RBFOX1: variants seen among roughly 807,000 people sequenced by gnomAD.
RBFOX1 encodes RNA binding protein fox-1 homolog 1.
A neutral mutation model predicts 57.7 loss-of-function variants in RBFOX1; 8 were observed. The observed-to-expected ratio is 0.14, with a 90% CI of 0.08 to 0.25. The LOEUF is 0.25. Ranked by LOEUF, RBFOX1 falls within the 10% of genes least tolerant of loss-of-function variation. RBFOX1 has a pLI of 1.00. For synonymous variants in RBFOX1, 326 were observed against 222.4 expected (o/e 1.47, Z -4.15); for missense variants, 611 against 548.5 (o/e 1.11, Z -1.14).
At chr16:6,736,551 C>G (rs973066231) in intron 3 of RBFOX1, among the ~76,000 whole-genome samples, 2 of 152,176 alleles carry the variant, frequency 1.3e-5, no homozygotes, top group African/African-American at 4.8e-5. Flanking sequence ...TCTTTATTCA[C>G]TCATTGAGTA....
intron 1 of RBFOX1, among the ~76,000 whole-genome samples, chr16:6,215,055 G>A (rs1226777870): frequency 1.5e-5 from 2 of 134,094 alleles, no homozygotes; most frequent in South Asian, 2.7e-4. Context: ...GGGAGAAGGA[G>A]AGGGAGAGGG....
chr16:6,269,165 TCAAA>T (rs1471184036), intron 1 of RBFOX1, among the ~76,000 whole-genome samples: 1 of 152,236 alleles, frequency 6.6e-6, no homozygotes, highest in African/African-American at 2.4e-5. Flanking sequence ...TCTGCTGTTT[TCAAA>T]ATTATGCTGT....
chr16:5,816,842 G>A (rs762742706), intron 3 of RBFOX1, among the ~76,000 whole-genome samples: 4 of 152,070 alleles, frequency 2.6e-5, no homozygotes, highest in African/African-American at 4.8e-5. Flanking sequence ...TGTCCTCTCT[G>A]TGTTCTTTGT....
intron 4 of RBFOX1, among the ~76,000 whole-genome samples, chr16:7,265,151 G>C (rs559837640): frequency 1.4e-4 from 21 of 152,312 alleles, no homozygotes; most frequent in African/African-American, 4.8e-4. Context: ...AGGGTGCAGT[G>C]GTTATCTTAG....
chr16:7,146,056 T>G (rs1434578441), intron 4 of RBFOX1, among the ~76,000 whole-genome samples: 1 of 152,190 alleles, frequency 6.6e-6, no homozygotes, highest in African/African-American at 2.4e-5. Context: ...ACTTCCCACT[T>G]CTTTTGACTG....
At chr16:5,491,830 A>G (rs2042840172) in intron 2 of RBFOX1, among the ~76,000 whole-genome samples, 1 of 152,232 alleles carries the variant, frequency 6.6e-6, no homozygotes, top group East Asian at 1.9e-4. Context: ...CATTAGAATT[A>G]CCCAGGGAGC....
intron 4 of RBFOX1, among the ~76,000 whole-genome samples, chr16:7,072,826 C>G (rs184350617): frequency 6.6e-6 from 1 of 152,174 alleles, no homozygotes; most frequent in African/African-American, 2.4e-5. Context: ...CAGTTTTATT[C>G]CTGGGAGGAA....
At chr16:5,800,594 T>G (rs2055025004) in intron 3 of RBFOX1, among the ~76,000 whole-genome samples, 1 of 151,910 alleles carries the variant, frequency 6.6e-6, no homozygotes, top group Non-Finnish European at 1.5e-5. Context: ...CACGGGATGG[T>G]GAAATGGATG....
intron 2 of RBFOX1, among the ~76,000 whole-genome samples, chr16:6,542,714 G>T (rs1408697967): frequency 6.6e-6 from 1 of 151,578 alleles, no homozygotes. Context: ...GGATGGTGTT[G>T]ATCTCCTGAC....
At chr16:6,231,840 T>TG (rs1357857207) in intron 1 of RBFOX1, among the ~76,000 whole-genome samples, 3 of 150,790 alleles carry the variant, frequency 2.0e-5, no homozygotes, top group Non-Finnish European at 4.4e-5. Flanking sequence ...AGTTTTTTTT[T>TG]TTTTTTTTTT....
intron 2 of RBFOX1, among the ~76,000 whole-genome samples, chr16:5,546,603 T>C (rs2045216683): frequency 6.6e-6 from 1 of 152,134 alleles, no homozygotes; most frequent in African/African-American, 2.4e-5. Flanking sequence ...TATACAAAAA[T>C]TAACTGAAAA....
Position 6,932,212 on chromosome 16 carries a change from C to A in RBFOX1, c.-15-119845C>A, listed in dbSNP as rs113723391. 6.6e-3 allele frequency among the ~76,000 whole-genome samples: 1,012 copies of A among 152,194 alleles called. 16 individuals are homozygous for A. The highest frequency in any genetic ancestry group is 0.022 in the African/African-American group (925 of 41,528). Reference sequence around the variant, plus strand: ...TCCACCTCCTGTGCTTGAGTGATTTCCCTGCCTCGGCCTCCCAAGTAGCTG... The same window carrying A: ...TCCACCTCCTGTGCTTGAGTGATTTACCTGCCTCGGCCTCCCAAGTAGCTG... On this transcript the variant is annotated intron_variant, in intron 3 of 15. Coordinates refer to ENST00000550418, the MANE Select transcript of RBFOX1 (RefSeq NM_018723.4).
intron 3 of RBFOX1, among the ~76,000 whole-genome samples, chr16:6,918,281 CA>C (rs71147626): frequency 0.46 from 58,375 of 126,006 alleles, 11,861 homozygotes; most frequent in African/African-American, 0.52. Context: ...GACTCCATCT[CA>C]AAAAAAAAAA....
chr16:6,249,764 T>A (rs921970738), intron 1 of RBFOX1, among the ~76,000 whole-genome samples: 6 of 54,136 alleles, frequency 1.1e-4, no homozygotes, highest in Non-Finnish European at 2.7e-4. Context: ...CAGCTTCACA[T>A]TTTTTTTCTT....
At chr16:6,559,767 C>T (rs1182539516) in intron 2 of RBFOX1, among the ~76,000 whole-genome samples, 3 of 151,954 alleles carry the variant, frequency 2.0e-5, no homozygotes, top group Non-Finnish European at 4.4e-5. Flanking sequence ...TGAACACCTA[C>T]TATGTGCCAG....
chr16:6,391,087 C>T (rs1346180466), intron 2 of RBFOX1, among the ~76,000 whole-genome samples: 1 of 152,162 alleles, frequency 6.6e-6, no homozygotes, highest in Non-Finnish European at 1.5e-5. Context: ...CAGACATTTG[C>T]CAAATGTCCC....
Position 5,455,929 on chromosome 16 carries a change from C to T in RBFOX1, c.220-11287C>T, listed in dbSNP as rs78044635. Among the ~76,000 whole-genome samples, 510 of 152,210 alleles carry T rather than the reference C, an allele frequency of 3.4e-3. 5 individuals carry two copies. Among genetic ancestry groups the T allele is most frequent in the African/African-American group, 0.012 (487 of 41,530 alleles). ...GGCAATTCAGAGCATTAACCTAAGG[C>T]TTCCAGTGTTTTTATCAGGCATTGT... is the stretch of plus-strand genomic sequence containing the variant. On this transcript the variant is annotated intron_variant, in intron 1 of 2. Transcript: ENST00000585867.
At chr16:7,420,719 A>T (rs2098532703) in intron 4 of RBFOX1, among the ~76,000 whole-genome samples, 1 of 151,688 alleles carries the variant, frequency 6.6e-6, no homozygotes, top group Non-Finnish European at 1.5e-5. Context: ...GGTCATGTAC[A>T]AATGTATGAC....
chr16:5,703,066 A>G (rs1042306629), intron 3 of RBFOX1, among the ~76,000 whole-genome samples: 2 of 152,320 alleles, frequency 1.3e-5, no homozygotes, highest in Admixed American at 1.3e-4. Context: ...AGTTGATGGT[A>G]GGCACTAAGA....
Sources: allele counts gnomAD v4.1 joint callset (sites outside exome capture counted in the v4.1 genomes callset), GRCh38; gene constraint gnomAD v4.1.1; transcripts MANE v1.5; gene names NCBI Gene and HGNC (gene_info 2026-07-23, HGNC 2026-07-21).